Variants in AP4E1 observed in about 807,000 individuals in gnomAD.
AP4E1 encodes adaptor related protein complex 4 subunit epsilon 1.
A neutral mutation model predicts 128.2 loss-of-function variants in AP4E1; 56 were observed. The ratio of observed to expected loss-of-function variants is 0.44; its 90% CI spans 0.35 to 0.55. The LOEUF (loss-of-function observed/expected upper bound fraction) is 0.55. Among genes scored for constraint, AP4E1 ranks in the 20% least tolerant of loss-of-function variants. AP4E1 has a pLI of 0.00. For missense variants in AP4E1, 1,324 were observed against 1,307.7 expected, an observed-to-expected ratio of 1.01 and a Z score of -0.19; for synonymous variants, 484 against 473.1, an observed-to-expected ratio of 1.02 and a Z score of -0.30.
At chr15:50,973,759 AAGTTTAAT>A (rs2064515433) in intron 15 of AP4E1, among the ~76,000 whole-genome samples, 1 of 152,158 alleles carries the variant, frequency 6.6e-6, no homozygotes, top group Non-Finnish European at 1.5e-5. Flanking sequence ...TTCGTTTTCA[AAGTTTAAT>A]AGTATTCCAT....
At chr15:50,945,106 C>G in intron 10 of AP4E1, 1 of 789,002 alleles carries the variant, frequency 1.3e-6, no homozygotes, top group South Asian at 1.3e-5. Flanking sequence ...GAGGAAGAAC[C>G]ATTACATACA....
At chr15:50,954,854 C>T (rs533366191) in intron 13 of AP4E1, among the ~76,000 whole-genome samples, 6 of 152,244 alleles carry the variant, frequency 3.9e-5, no homozygotes, top group Admixed American at 2.0e-4. Flanking sequence ...GTCCCCCTAC[C>T]CCACAACAGG....
Position 50,950,172 on chromosome 15 carries a change from GA to G in AP4E1, c.1548+4del, listed in dbSNP as rs751550066. The G allele has an allele frequency of 7.7e-6, 12 of 1,556,522 alleles. No homozygotes were observed. The stretch of plus-strand genomic sequence containing the variant: ...GATTTCTTCAAGTTATGAGTTGGGT[GA>G]GCAAAGTACCTTAAATCATAAATTT... On this transcript the variant is annotated splice_donor_region_variant and intron_variant, in intron 13 of 20. Transcript: ENST00000261842.
At chr15:50,984,757 G>T (rs1426831970) in intron 16 of AP4E1, among the ~76,000 whole-genome samples, 2 of 151,990 alleles carry the variant, frequency 1.3e-5, no homozygotes, top group African/African-American at 2.4e-5. Flanking sequence ...GAATAGTGCC[G>T]CAGTAAACAT....
intron 7 of AP4E1, among the ~76,000 whole-genome samples, chr15:50,931,181 T>G (rs1013470310): frequency 6.6e-6 from 1 of 152,228 alleles, no homozygotes; most frequent in Non-Finnish European, 1.5e-5. Flanking sequence ...TTACCCATCA[T>G]GAAAGGTACC....
intron 4 of AP4E1, among the ~76,000 whole-genome samples, chr15:50,924,868 A>G (rs1024264985): frequency 2.6e-5 from 4 of 152,212 alleles, no homozygotes; most frequent in African/African-American, 4.8e-5. Flanking sequence ...GAACAGCGAT[A>G]AAATTTCCTC....
chr15:50,969,836 T>C (rs2140896105), intron 15 of AP4E1, among the ~76,000 whole-genome samples: 1 of 152,080 alleles, frequency 6.6e-6, no homozygotes, highest in African/African-American at 2.4e-5. Flanking sequence ...TTTTTTTGTA[T>C]TTTTAGTAGA....
chr15:50,968,218 G>A, intron 14 of AP4E1, 45 bp from the exon 15 acceptor site: 1 of 1,261,382 alleles, frequency 7.9e-7, no homozygotes, highest in Non-Finnish European at 1.1e-6. Flanking sequence ...AATCTACTTA[G>A]GATAAATTTA....
chr15:50,914,856 A>G (rs1217190005), intron 2 of AP4E1, among the ~76,000 whole-genome samples: 2 of 152,178 alleles, frequency 1.3e-5, no homozygotes, highest in African/African-American at 4.8e-5. Flanking sequence ...AAATATTATT[A>G]CAATAGCTAT....
At chr15:50,963,458 G>A (rs1469129212) in intron 14 of AP4E1, among the ~76,000 whole-genome samples, 1 of 152,166 alleles carries the variant, frequency 6.6e-6, no homozygotes, top group Non-Finnish European at 1.5e-5. Flanking sequence ...TCACTATGAA[G>A]TAAAATAAGC....
At chr15:50,933,272 A>G (rs1327643945) in intron 7 of AP4E1, among the ~76,000 whole-genome samples, 10 of 152,190 alleles carry the variant, frequency 6.6e-5, no homozygotes. Context: ...TTATTTTAAC[A>G]TAAATCTTAC....
intron 16 of AP4E1, among the ~76,000 whole-genome samples, chr15:50,984,693 A>G (rs1004142889): frequency 2.7e-5 from 4 of 146,636 alleles, no homozygotes; most frequent in Admixed American, 2.7e-4. Flanking sequence ...ACATTTTCTT[A>G]ATCCAGTCTA....
intron 16 of AP4E1, among the ~76,000 whole-genome samples, chr15:50,990,894 T>C (rs1398438922): frequency 6.6e-6 from 1 of 152,222 alleles, no homozygotes; most frequent in Non-Finnish European, 1.5e-5. Context: ...GCATTTAGTA[T>C]GCAGAATAAT....
Position 50,968,254 on chromosome 15 carries a change from T to G in AP4E1, c.1852-9T>G. On this transcript the variant is annotated splice_polypyrimidine_tract_variant and intron_variant, in intron 14 of 20. Transcript: ENST00000261842. ...TTTAATTCCTAATTTTTGCTTAATTTTAATATAGGTAGATGCTTCTTTATC... is the reference window on the plus strand; with the variant it reads ...TTTAATTCCTAATTTTTGCTTAATTGTAATATAGGTAGATGCTTCTTTATC... 6.3e-7 allele frequency: 1 copy of G among 1,594,946 alleles called. No homozygotes were observed. Among genetic ancestry groups the G allele is most frequent in the Non-Finnish European group, 8.6e-7 (1 of 1,165,186 alleles).
chr15:50,958,111 A>T (rs963589373), intron 13 of AP4E1, among the ~76,000 whole-genome samples: 2 of 152,168 alleles, frequency 1.3e-5, no homozygotes, highest in African/African-American at 4.8e-5. Flanking sequence ...TGTATTTTTA[A>T]TGAAACACCT....
At chr15:50,935,087 C>A (rs1443392821) in intron 8 of AP4E1, among the ~76,000 whole-genome samples, 1 of 151,970 alleles carries the variant, frequency 6.6e-6, no homozygotes, top group Non-Finnish European at 1.5e-5. Context: ...TATTAAATTT[C>A]TGTTATTTGT....
At chr15:50,958,377 G>T (rs1451394228) in intron 13 of AP4E1, 115 bp from the exon 14 acceptor site, 1 of 824,746 alleles carries the variant, frequency 1.2e-6, no homozygotes, top group Non-Finnish European at 1.9e-6. Flanking sequence ...CACCATGAGA[G>T]GATGTTTAAT....
intron 19 of AP4E1, among the ~76,000 whole-genome samples, chr15:51,000,081 A>T (rs890800717): frequency 1.3e-5 from 2 of 149,054 alleles, no homozygotes; most frequent in Non-Finnish European, 3.0e-5. Context: ...ATCTCTATAT[A>T]TTTTTTTAAC....
rs28708725 is a variant in AP4E1, at chr15:50,924,239, T to G, written c.420+235T>G. On this transcript the variant is annotated intron_variant, in intron 4 of 20. Coordinates refer to ENST00000261842, the MANE Select transcript of AP4E1 (RefSeq NM_007347.5). ...AAGTAGTAGCTGCTGCTCTTCTTGT[T>G]ATAATTTCATTTTAAAACACAGAGT... Among the ~76,000 whole-genome samples the G allele has an allele frequency of 4.7e-3, 712 of 152,316 alleles. 9 individuals are homozygous for G. Among genetic ancestry groups the G allele is most frequent in the African/African-American group, 0.017 (692 of 41,592 alleles).
Sources: gnomAD v4.1 joint callset for allele counts (sites outside exome capture counted in the v4.1 genomes callset) on GRCh38, gnomAD v4.1.1 for gene constraint, MANE v1.5 for transcripts, NCBI Gene and HGNC (gene_info 2026-07-23, HGNC 2026-07-21) for gene names.